TP63: variants seen among roughly 807,000 people sequenced by gnomAD.
The protein encoded by TP63 is tumor protein p63.
Under a neutral mutation model 82.8 loss-of-function variants are expected in TP63, and 17 were observed. The ratio of observed to expected loss-of-function variants is 0.21; its 90% CI spans 0.14 to 0.31. The LOEUF is 0.31. Ranked by LOEUF, TP63 falls within the 10% of genes least tolerant of loss-of-function variation. The probability of loss-of-function intolerance (pLI) is 1.00; values close to 1 mark genes in which losing one functional copy is unlikely to be tolerated. For missense variants in TP63, 648 were observed against 895.3 expected (o/e 0.72, Z 3.52); for synonymous variants, 330 against 321.7 (o/e 1.03, Z -0.28).
chr3:189,699,410 A>G (rs1336339670), intron 1 of TP63, among the ~76,000 whole-genome samples: 1 of 152,216 alleles, frequency 6.6e-6, no homozygotes, highest in Non-Finnish European at 1.5e-5. Flanking sequence ...TGAAATTGGA[A>G]CAATAAGAAA....
the TP63 span, among the ~76,000 whole-genome samples, chr3:189,618,135 C>T: frequency 5.3e-5 from 8 of 152,272 alleles, no homozygotes; most frequent in African/African-American, 1.7e-4. Context: ...GTGAGGGGCC[C>T]TTCTAAGAGC....
At chr3:189,686,888 G>A (rs1387112390) in intron 1 of TP63, among the ~76,000 whole-genome samples, 2 of 151,750 alleles carry the variant, frequency 1.3e-5, no homozygotes, top group Admixed American at 6.6e-5. Flanking sequence ...CTGCCACCAC[G>A]CCCAGCTAAT....
chr3:189,630,796 C>T (rs1729425864), upstream of TP63, among the ~76,000 whole-genome samples: 1 of 151,962 alleles, frequency 6.6e-6, no homozygotes, highest in African/African-American at 2.4e-5. Flanking sequence ...ATATCTCTTT[C>T]TCTTAGCTGA....
rs187218081 is a variant in TP63 at position 189,800,220 on chromosome 3, C to T, written c.325-8052C>T. Among the ~76,000 whole-genome samples the T allele has an allele frequency of 1.6e-3, 240 of 152,038 alleles. 3 individuals are homozygous for T. Among genetic ancestry groups the T allele is most frequent in the East Asian group, 7.7e-4 (4 of 5,164 alleles). On this transcript the variant is annotated intron_variant, in intron 3 of 13. Coordinates refer to ENST00000264731, the MANE Select transcript of TP63 (RefSeq NM_003722.5). ...AAGACTTGAAGACTGAAGGAGTTAG[C>T]CTTTAAAAAAATGAAGAAAGTTCTA...
In TP63 at chr3:189,890,775, T is replaced by C. The variant is rs1390213749; in HGVS notation, c.1653-14T>C. On this transcript the variant is annotated splice_polypyrimidine_tract_variant and intron_variant, in intron 12 of 13. Transcript: ENST00000264731. ...TTTCTGTTTCCTCCTTCCTCTTCCC[T>C]CCTCCCTCTGCAGTTTCTTAGCGAG... 6.2e-7 allele frequency: 1 copy of C among 1,612,312 alleles called. No individual in the cohort carries two copies. The highest frequency in any genetic ancestry group is 1.3e-5 in the African/African-American group (1 of 74,864).
intron 4 of TP63, among the ~76,000 whole-genome samples, chr3:189,844,747 T>A (rs1714645375): frequency 6.6e-6 from 1 of 152,228 alleles, no homozygotes; most frequent in Admixed American, 6.5e-5. Flanking sequence ...CAGACCAAAC[T>A]GAAGCTGTGT....
At chr3:189,664,175 G>A (rs947437448) in intron 1 of TP63, among the ~76,000 whole-genome samples, 8 of 151,924 alleles carry the variant, frequency 5.3e-5, no homozygotes, top group African/African-American at 9.7e-5. Flanking sequence ...GCCTTTAAAG[G>A]GTTTAAGAGC....
chr3:189,621,309 T>A, the TP63 span, among the ~76,000 whole-genome samples: 13 of 152,166 alleles, frequency 8.5e-5, no homozygotes, highest in Non-Finnish European at 1.8e-4. Flanking sequence ...ATAGATTGCT[T>A]TGCTTCTTCT....
intron 11 of TP63, among the ~76,000 whole-genome samples, chr3:189,888,113 C>T (rs983437128): frequency 1.3e-5 from 2 of 152,150 alleles, no homozygotes; most frequent in South Asian, 2.1e-4. Context: ...CCACCTCAGC[C>T]TCCCAAAGTG....
At chr3:189,877,718 A>G (rs926997783) in intron 10 of TP63, among the ~76,000 whole-genome samples, 1 of 152,218 alleles carries the variant, frequency 6.6e-6, no homozygotes, top group African/African-American at 2.4e-5. Flanking sequence ...CCATAGCCGG[A>G]TAAACTGAGG....
chr3:189,723,094 A>T (rs369722263), intron 1 of TP63, among the ~76,000 whole-genome samples: 2 of 152,190 alleles, frequency 1.3e-5, no homozygotes, highest in Non-Finnish European at 2.9e-5. Context: ...ATTTCTGTTG[A>T]ACTGTAAAGT....
At chr3:189,893,529 A>G (rs1339896237) in intron 13 of TP63, among the ~76,000 whole-genome samples, 1 of 152,230 alleles carries the variant, frequency 6.6e-6, no homozygotes, top group Non-Finnish European at 1.5e-5. Flanking sequence ...GCACCCATTC[A>G]CAGAACATAG....
chr3:189,883,957 T>A (rs1399220060), intron 10 of TP63, among the ~76,000 whole-genome samples: 1 of 151,718 alleles, frequency 6.6e-6, no homozygotes, highest in East Asian at 1.9e-4. Context: ...AAAGCAAAAC[T>A]TTTAAATGTA....
At chr3:189,695,204 T>C (rs141573599) in intron 1 of TP63, among the ~76,000 whole-genome samples, 250 of 152,268 alleles carry the variant, frequency 1.6e-3, no homozygotes, top group African/African-American at 5.7e-3. Context: ...CATTATAAAC[T>C]CATGGATAGT....
the TP63 span, among the ~76,000 whole-genome samples, chr3:189,624,435 G>A: frequency 6.6e-6 from 1 of 152,058 alleles, no homozygotes; most frequent in Non-Finnish European, 1.5e-5. Context: ...TGAATCATAT[G>A]TCAATATAGC....
chr3:189,791,699 T>C (rs951578670), intron 3 of TP63, among the ~76,000 whole-genome samples: 6 of 152,100 alleles, frequency 3.9e-5, no homozygotes, highest in Non-Finnish European at 5.9e-5. Flanking sequence ...CACCAGTGCA[T>C]GTATTAGGTT....
chr3:189,760,924 A>G (rs1036825645), intron 3 of TP63, among the ~76,000 whole-genome samples: 5 of 152,210 alleles, frequency 3.3e-5, no homozygotes, highest in African/African-American at 1.2e-4. Context: ...AGAAGCTGCC[A>G]AAGCTTGAGG....
the TP63 span, among the ~76,000 whole-genome samples, chr3:189,616,910 C>T: frequency 6.6e-6 from 1 of 152,176 alleles, no homozygotes; most frequent in African/African-American, 2.4e-5. Context: ...ACATCTTTTT[C>T]CACCAGATAC....
intron 4 of TP63, among the ~76,000 whole-genome samples, chr3:189,860,064 C>T (rs914112538): frequency 2.6e-5 from 4 of 152,100 alleles, no homozygotes; most frequent in Non-Finnish European, 4.4e-5. Flanking sequence ...CAACGGTGTA[C>T]ATTTGTCAAG....
Sources: gnomAD v4.1 joint callset for allele counts (sites outside exome capture counted in the v4.1 genomes callset) on GRCh38, gnomAD v4.1.1 for gene constraint, MANE v1.5 for transcripts, NCBI Gene and HGNC (gene_info 2026-07-23, HGNC 2026-07-21) for gene names.